Variants in NPAS3 observed in about 807,000 individuals in gnomAD.
NPAS3 encodes the protein neuronal PAS domain-containing protein 3.
A neutral mutation model predicts 73.1 loss-of-function variants in NPAS3; 14 were observed. That is an observed-to-expected ratio of 0.19 (90% CI 0.13 to 0.30). The LOEUF (loss-of-function observed/expected upper bound fraction) is 0.30. NPAS3 is among the 10% of genes least tolerant of loss of function. The probability of loss-of-function intolerance (pLI) is 1.00; values close to 1 mark genes in which losing one functional copy is unlikely to be tolerated. For missense variants in NPAS3, 1,096 were observed against 1,250.0 expected (o/e 0.88, Z 1.86); for synonymous variants, 620 against 541.5 (o/e 1.14, Z -2.01).
rs369470796 is a variant in NPAS3 at position 33,578,826 on chromosome 14, G to GAAAAC, written c.558+18636_558+18640dup. 2.0e-3 allele frequency among the ~76,000 whole-genome samples: 298 copies of GAAAAC among 152,054 alleles called. 1 individual carries two copies. The highest frequency in any genetic ancestry group is 2.9e-3 in the Non-Finnish European group (194 of 67,984). ...TTCATCATCTAATGAAACCACAGGGGAAAACAAAACAAAACAAAACAAAAA... is the reference window on the plus strand; with the variant it reads ...TTCATCATCTAATGAAACCACAGGGGAAAACAAAACAAAACAAAACAAAACAAAAA... On this transcript the variant is annotated intron_variant, in intron 5 of 11. Coordinates refer to ENST00000356141, the Ensembl canonical transcript of NPAS3.
At chr14:33,605,480 C>G (rs573975863) in intron 5 of NPAS3, among the ~76,000 whole-genome samples, 1 of 149,532 alleles carries the variant, frequency 6.7e-6, no homozygotes, top group Admixed American at 6.7e-5. Flanking sequence ...TAAAAGACTA[C>G]TAGATCTGGT....
intron 5 of NPAS3, among the ~76,000 whole-genome samples, chr14:33,644,996 G>T (rs1033353429): frequency 6.6e-6 from 1 of 150,480 alleles, no homozygotes; most frequent in East Asian, 1.9e-4. Flanking sequence ...CAGGAGAATC[G>T]CTTGAAACCG....
Position 33,677,836 on chromosome 14 carries a change from T to C in NPAS3, c.733+1451T>C, listed in dbSNP as rs561425059. Among the ~76,000 whole-genome samples the C allele has an allele frequency of 1.4e-3, 207 of 152,356 alleles. 1 individual carries two copies. The highest frequency in any genetic ancestry group is 4.4e-3 in the African/African-American group (185 of 41,580). ...CTTTTGTTCAGGTGGGCAAGTGATA[T>C]ATTCTTATACCATAGCTCACTGACT... On this transcript the variant is annotated intron_variant, in intron 6 of 11. Transcript: ENST00000356141.
chr14:33,016,720 AAAATACTT>A (rs1380082705), intron 1 of NPAS3, among the ~76,000 whole-genome samples: 1 of 151,580 alleles, frequency 6.6e-6, no homozygotes, highest in Non-Finnish European at 1.5e-5. Flanking sequence ...TCTCTTTTAT[AAAATACTT>A]AACCATTTAT....
At chr14:33,062,134 G>A (rs1390158515) in intron 2 of NPAS3, among the ~76,000 whole-genome samples, 2 of 152,116 alleles carry the variant, frequency 1.3e-5, no homozygotes, top group African/African-American at 2.4e-5. Flanking sequence ...GAGTGTGACA[G>A]AGACTGCATC....
intron 5 of NPAS3, among the ~76,000 whole-genome samples, chr14:33,587,736 G>A (rs1262129508): frequency 6.6e-6 from 1 of 152,180 alleles, no homozygotes; most frequent in African/African-American, 2.4e-5. Flanking sequence ...GATTTTTGAA[G>A]AAGCTAATTT....
chr14:33,004,817 C>CTTTTTTTTTTTTTTTTTTT, intron 1 of NPAS3, among the ~76,000 whole-genome samples: 1,773 of 63,166 alleles, frequency 0.028, 250 homozygotes, highest in Non-Finnish European at 0.042. Flanking sequence ...AAAAGTTTTC[C>CTTTTTTTTTTTTTTTTTTT]TTTTTTTTTT....
chr14:33,785,277 A>G (rs2063134493), intron 9 of NPAS3, among the ~76,000 whole-genome samples: 1 of 151,526 alleles, frequency 6.6e-6, no homozygotes, highest in Non-Finnish European at 1.5e-5. Context: ...CTACTAAAAA[A>G]TACAAAAATT....
At chr14:33,341,426 TG>T (rs1238682614) in intron 3 of NPAS3, among the ~76,000 whole-genome samples, 1 of 152,198 alleles carries the variant, frequency 6.6e-6, no homozygotes, top group Non-Finnish European at 1.5e-5. Flanking sequence ...CATGACTTTA[TG>T]GAAAAATTTT....
At chr14:33,124,532 T>C (rs1282503061) in intron 2 of NPAS3, among the ~76,000 whole-genome samples, 5 of 152,122 alleles carry the variant, frequency 3.3e-5, no homozygotes, top group African/African-American at 1.2e-4. Context: ...ATTAGAACAA[T>C]ATTTGGCATG....
At chr14:33,513,923 A>G (rs950493693) in intron 4 of NPAS3, among the ~76,000 whole-genome samples, 17 of 152,010 alleles carry the variant, frequency 1.1e-4, no homozygotes, top group African/African-American at 3.9e-4. Context: ...AAGTTGGAGG[A>G]GAAGACTTGC....
At chr14:33,724,738 A>C (rs1315065501) in intron 6 of NPAS3, among the ~76,000 whole-genome samples, 1 of 151,798 alleles carries the variant, frequency 6.6e-6, no homozygotes, top group African/African-American at 2.4e-5. Flanking sequence ...TGGTAATTTA[A>C]TGTTTTCTCT....
intron 5 of NPAS3, among the ~76,000 whole-genome samples, chr14:33,660,906 G>C (rs1377860043): frequency 2.6e-5 from 4 of 152,170 alleles, no homozygotes; most frequent in African/African-American, 9.7e-5. Context: ...GAATGCATAT[G>C]TATTCACATG....
At chr14:33,385,101 A>T (rs1386445802) in intron 4 of NPAS3, among the ~76,000 whole-genome samples, 2 of 152,138 alleles carry the variant, frequency 1.3e-5, no homozygotes, top group African/African-American at 4.8e-5. Flanking sequence ...TTAATCTATG[A>T]TGGTTCACAT....
intron 4 of NPAS3, among the ~76,000 whole-genome samples, chr14:33,541,250 T>C (rs1163823496): frequency 2.0e-5 from 3 of 152,320 alleles, no homozygotes; most frequent in East Asian, 3.9e-4. Context: ...TAGTAAATTA[T>C]GCACCTTTTA....
chr14:33,143,740 A>G (rs1302817169), intron 2 of NPAS3, among the ~76,000 whole-genome samples: 2 of 151,720 alleles, frequency 1.3e-5, no homozygotes, highest in African/African-American at 4.8e-5. Flanking sequence ...TGCCCCACCC[A>G]CTGGCAGCCA....
chr14:33,699,577 C>T (rs1293629612), intron 6 of NPAS3, among the ~76,000 whole-genome samples: 1 of 152,168 alleles, frequency 6.6e-6, no homozygotes, highest in East Asian at 1.9e-4. Context: ...ACAAATAGTA[C>T]TCAATGTGAA....
intron 4 of NPAS3, among the ~76,000 whole-genome samples, chr14:33,390,611 T>A (rs763784216): frequency 6.6e-6 from 1 of 152,110 alleles, no homozygotes; most frequent in Non-Finnish European, 1.5e-5. Context: ...ATTTGTAGAG[T>A]GTACTGCACC....
chr14:33,244,700 T>C (rs2048321068), intron 3 of NPAS3, among the ~76,000 whole-genome samples: 1 of 152,160 alleles, frequency 6.6e-6, no homozygotes, highest in African/African-American at 2.4e-5. Context: ...TGACCGGTTC[T>C]CTACTCTTTC....
Sources: allele counts gnomAD v4.1 joint callset (sites outside exome capture counted in the v4.1 genomes callset), GRCh38; gene constraint gnomAD v4.1.1; transcripts MANE v1.5; gene names NCBI Gene and HGNC (gene_info 2026-07-23, HGNC 2026-07-21).